CMSS1: variants seen among roughly 807,000 people sequenced by gnomAD.
The protein encoded by CMSS1 is protein CMSS1.
In CMSS1, 33 loss-of-function variants were observed where a neutral mutation model predicts 43.5. The ratio of observed to expected loss-of-function variants is 0.76; its 90% CI spans 0.57 to 1.01. The LOEUF (loss-of-function observed/expected upper bound fraction) is 1.01. Ranked by LOEUF, CMSS1 falls within the 50% of genes least tolerant of loss-of-function variation. The pLI, the probability that CMSS1 is intolerant of heterozygous loss-of-function variation, is 0.00. For missense variants in CMSS1, 313 were observed against 326.4 expected, an observed-to-expected ratio of 0.96 and a Z score of 0.32; for synonymous variants, 115 against 117.2, an observed-to-expected ratio of 0.98 and a Z score of 0.12.
At chr3:100,073,756 G>A (rs1262913510) in intron 1 of CMSS1, among the ~76,000 whole-genome samples, 1 of 152,178 alleles carries the variant, frequency 6.6e-6, no homozygotes, top group Non-Finnish European at 1.5e-5. Flanking sequence ...TAGGGTGTGT[G>A]CCGGGCAAGA....
At chr3:99,843,479 G>A in intron 1 of CMSS1, among the ~76,000 whole-genome samples, 1 of 152,342 alleles carries the variant, frequency 6.6e-6, no homozygotes, top group East Asian at 1.9e-4. Context: ...GTAATTTAAA[G>A]AGAGGGACTA....
At chr3:99,931,373 C>T (rs56335268) in intron 1 of CMSS1, among the ~76,000 whole-genome samples, 10,658 of 151,558 alleles carry the variant, frequency 0.07, 418 homozygotes, top group South Asian at 0.14. Context: ...TTGCTTAAGA[C>T]GTACTTAACA....
intron 6 of CMSS1, among the ~76,000 whole-genome samples, chr3:100,168,265 C>T (rs2067080982): frequency 6.6e-6 from 1 of 152,174 alleles, no homozygotes; most frequent in Non-Finnish European, 1.5e-5. Context: ...TGAGGACTTA[C>T]TTGATCTGAA....
chr3:99,967,505 T>C (rs1326817476), intron 1 of CMSS1, among the ~76,000 whole-genome samples: 2 of 152,202 alleles, frequency 1.3e-5, no homozygotes, highest in African/African-American at 4.8e-5. Flanking sequence ...GAATTTTTTG[T>C]TCCACTAAGA....
intron 1 of CMSS1, among the ~76,000 whole-genome samples, chr3:99,960,333 C>T (rs1330839950): frequency 6.6e-6 from 1 of 152,060 alleles, no homozygotes; most frequent in Non-Finnish European, 1.5e-5. Context: ...AACGAGGGCT[C>T]CAAAAAGTTA....
chr3:100,055,459 A>G (rs1425707346), intron 1 of CMSS1, among the ~76,000 whole-genome samples: 5 of 152,218 alleles, frequency 3.3e-5, no homozygotes, highest in African/African-American at 1.2e-4. Flanking sequence ...TAATGCTAGA[A>G]AAAAACTGAT....
intron 1 of CMSS1, among the ~76,000 whole-genome samples, chr3:99,839,915 A>G (rs1335422753): frequency 6.6e-6 from 1 of 152,162 alleles, no homozygotes; most frequent in Non-Finnish European, 1.5e-5. Flanking sequence ...GTTATATAAG[A>G]GTGGAACTCT....
At chr3:100,077,302 G>T (rs2065865233) in intron 1 of CMSS1, among the ~76,000 whole-genome samples, 1 of 152,208 alleles carries the variant, frequency 6.6e-6, no homozygotes, top group Admixed American at 6.5e-5. Context: ...TTCTTAAGAA[G>T]TAGACTCAGG....
chr3:99,836,606 C>G (rs534035286), intron 1 of CMSS1, among the ~76,000 whole-genome samples: 7 of 152,312 alleles, frequency 4.6e-5, no homozygotes, highest in Admixed American at 6.5e-5. Context: ...TTTCCCAGAG[C>G]CTGAGATGAA....
At chr3:99,831,956 G>A (rs2107485491) in intron 1 of CMSS1, among the ~76,000 whole-genome samples, 1 of 152,250 alleles carries the variant, frequency 6.6e-6, no homozygotes, top group East Asian at 1.9e-4. Context: ...GTGAAAGGCC[G>A]AGACAGATTG....
At chr3:100,083,744 T>C (rs1204470185) in intron 1 of CMSS1, among the ~76,000 whole-genome samples, 1 of 152,170 alleles carries the variant, frequency 6.6e-6, no homozygotes, top group African/African-American at 2.4e-5. Flanking sequence ...TTTCTTTGTT[T>C]GTTTGTTTGT....
chr3:99,956,493 C>T (rs1015996885), intron 1 of CMSS1, among the ~76,000 whole-genome samples: 8 of 152,192 alleles, frequency 5.3e-5, no homozygotes, highest in African/African-American at 1.7e-4. Flanking sequence ...GCTGGGATTA[C>T]AGGCACCCAC....
intron 1 of CMSS1, among the ~76,000 whole-genome samples, chr3:99,962,653 A>G (rs1042219188): frequency 6.6e-6 from 1 of 152,236 alleles, no homozygotes; most frequent in African/African-American, 2.4e-5. Flanking sequence ...ACAAACACAT[A>G]TAGCACTGTA....
Position 100,130,123 on chromosome 3 carries a change from C to G in CMSS1, c.65-16850C>G, listed in dbSNP as rs548136404. Among the ~76,000 whole-genome samples, 5 of 152,304 alleles carry G rather than the reference C, an allele frequency of 3.3e-5. No individual in the cohort carries two copies. The South Asian group carries it at 1.0e-3, about 32-fold the overall frequency. ...TAGCATATACCCCTGAGCCCTATAG[C>G]CTATTTCCCCTTTTAAAACAGAAAT... On this transcript the variant is annotated intron_variant, in intron 1 of 9. Coordinates refer to ENST00000421999, the MANE Select transcript of CMSS1 (RefSeq NM_032359.4).
intron 1 of CMSS1, among the ~76,000 whole-genome samples, chr3:99,823,137 A>G (rs1314851741): frequency 3.9e-5 from 6 of 152,330 alleles, no homozygotes; most frequent in Middle Eastern, 6.8e-3. Context: ...TTTTGTTTAT[A>G]TATCATTATG....
At chr3:99,914,434 A>AT (rs947205791) in intron 1 of CMSS1, among the ~76,000 whole-genome samples, 48 of 151,904 alleles carry the variant, frequency 3.2e-4, no homozygotes, top group African/African-American at 1.2e-3. Flanking sequence ...GATATGTTAG[A>AT]TTTTTTTTTC....
chr3:99,943,043 C>T (rs1353281228), intron 1 of CMSS1, among the ~76,000 whole-genome samples: 1 of 152,112 alleles, frequency 6.6e-6, no homozygotes, highest in East Asian at 1.9e-4. Flanking sequence ...ATTACCACTG[C>T]TTAGAACAAC....
chr3:99,829,908 C>G (rs1414828507), intron 1 of CMSS1, among the ~76,000 whole-genome samples: 1 of 152,148 alleles, frequency 6.6e-6, no homozygotes, highest in East Asian at 1.9e-4. Flanking sequence ...CTTTTTCCCT[C>G]CTGGTCATAA....
At chr3:99,913,447 A>C (rs1269671521) in intron 1 of CMSS1, among the ~76,000 whole-genome samples, 1 of 152,240 alleles carries the variant, frequency 6.6e-6, no homozygotes, top group Non-Finnish European at 1.5e-5. Context: ...TCTAAAGGAA[A>C]GTAGAAAGTA....
Sources: gnomAD v4.1 joint callset for allele counts (sites outside exome capture counted in the v4.1 genomes callset) on GRCh38, gnomAD v4.1.1 for gene constraint, MANE v1.5 for transcripts, NCBI Gene and HGNC (gene_info 2026-07-23, HGNC 2026-07-21) for gene names.